NMT1: variants seen among roughly 807,000 people sequenced by gnomAD.
NMT1 encodes the protein glycylpeptide N-tetradecanoyltransferase 1.
In NMT1, 12 loss-of-function variants were observed where a neutral mutation model predicts 63.4. That is an observed-to-expected ratio of 0.19 (90% CI 0.12 to 0.31). NMT1 has a LOEUF of 0.31. Ranked by LOEUF, NMT1 falls within the 10% of genes least tolerant of loss-of-function variation. The probability of loss-of-function intolerance (pLI) is 1.00; values close to 1 mark genes in which losing one functional copy is unlikely to be tolerated. For missense variants in NMT1, 432 were observed against 634.6 expected (o/e 0.68, Z 3.43); for synonymous variants, 228 against 234.3 (o/e 0.97, Z 0.25).
chr17:45,105,039 T>A lies in NMT1; in HGVS notation c.1470+43T>A. 1.2e-6 allele frequency: 2 copies of A among 1,611,248 alleles called. No individual in the cohort carries two copies. The highest frequency in any genetic ancestry group is 1.7e-6 in the Non-Finnish European group (2 of 1,178,518). ...AGAGTCCAGGCTGCCCGGCCCAGGG[T>A]GTCCATGTCTCCAGCAGAAACCGGG... On this transcript the variant is annotated intron_variant, in intron 11 of 11. Coordinates refer to ENST00000258960, the MANE Select transcript of NMT1 (RefSeq NM_021079.5). The surrounding 1 kb of genome is among the most constrained non-coding windows in gnomAD (Gnocchi z 4.2).
At chr17:45,089,417 A>G (rs978760197) in intron 3 of NMT1, among the ~76,000 whole-genome samples, 12 of 151,900 alleles carry the variant, frequency 7.9e-5, no homozygotes, top group African/African-American at 2.7e-4. Flanking sequence ...TTCTCGGCTC[A>G]CTGCAACCTC....
At chr17:45,098,358 C>CA (rs780361369) in intron 6 of NMT1, 24 bp from the exon 7 acceptor site, 1 of 1,607,786 alleles carries the variant, frequency 6.2e-7, no homozygotes, top group Non-Finnish European at 8.5e-7. Flanking sequence ...AAAACCTTGT[C>CA]ACCTGGATTT....
At chr17:45,100,727 G>A (rs1226680041) in intron 8 of NMT1, among the ~76,000 whole-genome samples, 6 of 149,408 alleles carry the variant, frequency 4.0e-5, no homozygotes, top group African/African-American at 1.2e-4. Flanking sequence ...TGGTCGTGGC[G>A]TGGCGGGCAC....
Position 45,103,928 on chromosome 17 carries a change from A to G in NMT1, c.1332+52A>G. On this transcript the variant is annotated intron_variant, in intron 10 of 11. Transcript: ENST00000258960. This position sits in a 1 kb window ranked among gnomAD's most constrained non-coding sequence, Gnocchi z 4.8. ...GAGATGTGCAGGGAAGAGGCAGTGG[A>G]GCCATGGTGAGCACAGCTCCCGGGA... The G allele has an allele frequency of 6.2e-7, 1 of 1,606,756 alleles. No homozygotes were observed. The highest frequency in any genetic ancestry group is 8.5e-7 in the Non-Finnish European group (1 of 1,179,900).
chr17:45,068,469 C>T (rs1260981537), intron 1 of NMT1, among the ~76,000 whole-genome samples: 1 of 152,144 alleles, frequency 6.6e-6, no homozygotes, highest in Non-Finnish European at 1.5e-5. Context: ...GAGCCTCCAT[C>T]TCAAAAAAAT....
chr17:45,080,286 G>T (rs867558371), intron 1 of NMT1, among the ~76,000 whole-genome samples: 1 of 151,228 alleles, frequency 6.6e-6, no homozygotes, highest in Non-Finnish European at 1.5e-5. Flanking sequence ...TTAGCCTCCC[G>T]AGTAGCTGGG....
At chr17:45,084,717 C>G (rs2143487172) in intron 2 of NMT1, among the ~76,000 whole-genome samples, 1 of 151,920 alleles carries the variant, frequency 6.6e-6, no homozygotes, top group South Asian at 2.1e-4. Flanking sequence ...GTCCTCCCGC[C>G]TCAGCCTCCC....
Position 45,108,126 on chromosome 17 carries a change from C to T in NMT1, c.*2487C>T, listed in dbSNP as rs996662517. The T allele has an allele frequency of 6.6e-6, 1 of 152,308 alleles. No individual in the cohort carries two copies. Among genetic ancestry groups the T allele is most frequent in the Non-Finnish European group, 1.5e-5 (1 of 68,106 alleles). The allele number at this position is 152,308 out of a possible 1,614,324, so 9.4% of individuals were successfully genotyped here. A position where few individuals can be genotyped will look rare whatever the true frequency, so the allele number is the denominator to read the frequency against. Reference sequence around the variant, plus strand: ...AAGGAAGGACCCTGAGGCCTTCACGCTAACCGTCCTCGAGCAACTGCTGTT... The same window carrying T: ...AAGGAAGGACCCTGAGGCCTTCACGTTAACCGTCCTCGAGCAACTGCTGTT... On this transcript the variant is annotated 3_prime_UTR_variant, in exon 12 of 12. Coordinates refer to ENST00000258960, the MANE Select transcript of NMT1 (RefSeq NM_021079.5).
At chr17:45,090,093 G>C (rs1347574633) in intron 3 of NMT1, among the ~76,000 whole-genome samples, 1 of 151,886 alleles carries the variant, frequency 6.6e-6, no homozygotes, top group Non-Finnish European at 1.5e-5. Context: ...GACCAGCCTG[G>C]ACAACAGGGA....
rs942121531 is a variant in NMT1 at position 45,105,933 on chromosome 17, A to C, written c.*294A>C. Reference sequence around the variant, plus strand: ...AAAACTAGCTCGTGATTGGCATATAATGGAGTTAACGGGTGAATAATAAAA... The same window carrying C: ...AAAACTAGCTCGTGATTGGCATATACTGGAGTTAACGGGTGAATAATAAAA... On this transcript the variant is annotated 3_prime_UTR_variant, in exon 12 of 12. Coordinates refer to ENST00000258960, the MANE Select transcript of NMT1 (RefSeq NM_021079.5). The surrounding 1 kb of genome is among the most constrained non-coding windows in gnomAD (Gnocchi z 4.2). 2.3e-5 allele frequency: 7 copies of C among 309,704 alleles called. No homozygotes were observed. Among genetic ancestry groups the C allele is most frequent in the Admixed American group, 1.5e-4 (3 of 19,450 alleles). The allele number at this position is 309,704 out of a possible 1,614,324, so 19.2% of individuals were successfully genotyped here.
intron 3 of NMT1, among the ~76,000 whole-genome samples, chr17:45,091,237 C>CACACACACACACGT (rs1555606665): frequency 8.8e-5 from 13 of 148,438 alleles, no homozygotes; most frequent in Admixed American, 2.7e-4. Context: ...CACACACACA[C>CACACACACACACGT]GTCCCATAGC....
At chr17:45,097,346 G>A in intron 6 of NMT1, 102 bp downstream of exon 6, 1 of 927,914 alleles carries the variant, frequency 1.1e-6, no homozygotes, top group Non-Finnish European at 1.8e-6. Flanking sequence ...GAAAGGAAGA[G>A]GGAAGGTCTC....
chr17:45,092,537 AAAAAAAAAAAAC>A, intron 3 of NMT1, among the ~76,000 whole-genome samples: 1 of 110,440 alleles, frequency 9.1e-6, no homozygotes, highest in Non-Finnish European at 2.1e-5. Context: ...ATCTCTACTG[AAAAAAAAAAAAC>A]AAAACACCAA....
intron 1 of NMT1, among the ~76,000 whole-genome samples, chr17:45,074,708 A>C (rs559851708): frequency 2.6e-5 from 4 of 152,192 alleles, no homozygotes; most frequent in Non-Finnish European, 5.9e-5. Flanking sequence ...GCACCAAGGC[A>C]AACTTTACTG....
rs747631611 is a variant in NMT1 at position 45,105,017 on chromosome 17, G to A, written c.1470+21G>A. ...AGAAGGTAGGCGACACATAGCCAGAGTCCAGGCTGCCCGGCCCAGGGTGTC... is the reference window on the plus strand; with the variant it reads ...AGAAGGTAGGCGACACATAGCCAGAATCCAGGCTGCCCGGCCCAGGGTGTC... On this transcript the variant is annotated intron_variant, in intron 11 of 11. Transcript: ENST00000258960. This position sits in a 1 kb window ranked among gnomAD's most constrained non-coding sequence, Gnocchi z 4.2. 8 of 1,613,894 alleles carry A rather than the reference G, an allele frequency of 5.0e-6. No individual in the cohort carries two copies. The highest frequency in any genetic ancestry group is 6.8e-6 in the Non-Finnish European group (8 of 1,179,924).
At chr17:45,065,623 C>CAAA (rs397944011) in intron 1 of NMT1, among the ~76,000 whole-genome samples, 87 of 81,464 alleles carry the variant, frequency 1.1e-3, no homozygotes, top group Middle Eastern at 0.013. Context: ...GACTCTGTCT[C>CAAA]AAAAAAAAAA....
Position 45,105,117 on chromosome 17 carries a change from C to T in NMT1, c.1470+121C>T. On this transcript the variant is annotated intron_variant, in intron 11 of 11. Transcript: ENST00000258960. The surrounding 1 kb of genome is among the most constrained non-coding windows in gnomAD (Gnocchi z 4.2). ...TGGGTCCTTGTTACCTCGAGTTGAA[C>T]CTTTGAAAATGCCCTCCCTCTGCTG... is the stretch of plus-strand genomic sequence containing the variant. The T allele has an allele frequency of 7.5e-7, 1 of 1,326,292 alleles. No individual in the cohort carries two copies. The highest frequency in any genetic ancestry group is 1.0e-6 in the Non-Finnish European group (1 of 962,998). 82.2% of individuals were successfully genotyped at this position (1,326,292 alleles called of 1,614,324 possible). A position where few individuals can be genotyped will look rare whatever the true frequency, so the allele number is the denominator to read the frequency against.
intron 8 of NMT1, chr17:45,099,754 T>C: frequency 1.9e-6 from 1 of 526,850 alleles, no homozygotes; most frequent in Non-Finnish European, 3.4e-6. Flanking sequence ...TGCCATCTGT[T>C]GAAAGGCTCA....
intron 3 of NMT1, among the ~76,000 whole-genome samples, chr17:45,093,219 T>A (rs1243878065): frequency 2.0e-5 from 3 of 152,228 alleles, no homozygotes; most frequent in Non-Finnish European, 4.4e-5. Flanking sequence ...GGGCCACGAT[T>A]GAGCCTGGCG....
Sources: gnomAD v4.1 joint callset for allele counts (sites outside exome capture counted in the v4.1 genomes callset) on GRCh38, gnomAD v4.1.1 for gene constraint, Gnocchi (gnomAD v3.1) non-coding constraint, MANE v1.5 for transcripts, NCBI Gene and HGNC (gene_info 2026-07-23, HGNC 2026-07-21) for gene names.